SETBP1: variants seen among roughly 807,000 people sequenced by gnomAD.
The protein encoded by SETBP1 is SET binding protein 1.
In SETBP1, 9 loss-of-function variants were observed where a neutral mutation model predicts 101.0. The ratio of observed to expected loss-of-function variants is 0.09; its 90% CI spans 0.05 to 0.16. SETBP1 has a LOEUF of 0.16. Ranked by LOEUF, SETBP1 falls within the 10% of genes least tolerant of loss-of-function variation. The probability of loss-of-function intolerance (pLI) is 1.00; values close to 1 mark genes in which losing one functional copy is unlikely to be tolerated. For missense variants in SETBP1, 1,858 were observed against 2,033.8 expected, an observed-to-expected ratio of 0.91 and a Z score of 1.66; for synonymous variants, 818 against 788.5, an observed-to-expected ratio of 1.04 and a Z score of -0.63.
intron 3 of SETBP1, among the ~76,000 whole-genome samples, chr18:44,881,648 T>C (rs1237173719): frequency 6.6e-6 from 1 of 152,162 alleles, no homozygotes; most frequent in Non-Finnish European, 1.5e-5. Flanking sequence ...TGAATGTACA[T>C]TTGTAGAGAA....
At position 44,703,387 on chromosome 18, in the gene SETBP1, T is replaced by C. The variant is rs960621467; in HGVS notation, c.486+1555T>C. Among the ~76,000 whole-genome samples the C allele has an allele frequency of 3.7e-4, 39 of 106,564 alleles. 5 individuals carry two copies. In the East Asian group the frequency reaches 0.01, roughly 28 times the overall value. 69.9% of individuals were successfully genotyped at this position (106,564 alleles called of 152,430 possible). On this transcript the variant is annotated intron_variant, in intron 2 of 5. Coordinates refer to ENST00000649279, the MANE Select transcript of SETBP1 (RefSeq NM_015559.3). ...TTTTTTTTTTTTTTTTTTTTTTTTT[T>C]TTTTTTTAGCTTTGGGGCAGTTATT...
intron 3 of SETBP1, among the ~76,000 whole-genome samples, chr18:44,889,160 A>G (rs1390248095): frequency 6.6e-6 from 1 of 152,084 alleles, no homozygotes; most frequent in African/African-American, 2.4e-5. Flanking sequence ...GAGATAAATA[A>G]TTTTGCTAAT....
At chr18:44,792,031 C>A (rs1300553838) in intron 2 of SETBP1, among the ~76,000 whole-genome samples, 1 of 152,190 alleles carries the variant, frequency 6.6e-6, no homozygotes, top group East Asian at 1.9e-4. Context: ...TCATTTCTGT[C>A]TGCCTCTGCT....
intron 3 of SETBP1, among the ~76,000 whole-genome samples, chr18:44,949,018 C>T (rs2071274773): frequency 2.6e-5 from 4 of 152,060 alleles, no homozygotes; most frequent in Admixed American, 2.6e-4. Flanking sequence ...GTCTAGTAGA[C>T]TCAAGGTTGC....
intron 3 of SETBP1, among the ~76,000 whole-genome samples, chr18:44,921,498 T>C (rs927943898): frequency 5.3e-5 from 8 of 151,946 alleles, no homozygotes; most frequent in African/African-American, 1.9e-4. Flanking sequence ...AAGCATGGAG[T>C]TCTCCCAAAC....
intron 4 of SETBP1, among the ~76,000 whole-genome samples, chr18:44,983,354 A>G (rs1489117874): frequency 1.3e-5 from 2 of 152,148 alleles, no homozygotes; most frequent in Non-Finnish European, 2.9e-5. Context: ...GTGCTATTCT[A>G]AGTGTTTCGT....
At chr18:44,801,146 G>A (rs747228354) in intron 2 of SETBP1, among the ~76,000 whole-genome samples, 57 of 152,208 alleles carry the variant, frequency 3.7e-4, no homozygotes, top group South Asian at 1.9e-3. Flanking sequence ...TAGGAGGAGC[G>A]GGGAGGGATA....
chr18:45,035,036 T>G (rs181282396), intron 4 of SETBP1, among the ~76,000 whole-genome samples: 55 of 150,838 alleles, frequency 3.6e-4, no homozygotes, highest in African/African-American at 1.3e-3. Flanking sequence ...CATCATAGAA[T>G]ATCAGTCACC....
At chr18:44,990,328 T>A (rs1223093250) in intron 4 of SETBP1, among the ~76,000 whole-genome samples, 1 of 152,124 alleles carries the variant, frequency 6.6e-6, no homozygotes, top group African/African-American at 2.4e-5. Context: ...GGGCAGGAGC[T>A]CATGCCTGAA....
chr18:44,777,944 G>A (rs1432568827), intron 2 of SETBP1, among the ~76,000 whole-genome samples: 3 of 152,182 alleles, frequency 2.0e-5, no homozygotes, highest in African/African-American at 2.4e-5. Flanking sequence ...TTCTGAACCC[G>A]ACTGTTCTAT....
At chr18:44,995,532 TGTGTGTGTG>T (rs2072478433) in intron 4 of SETBP1, among the ~76,000 whole-genome samples, 1 of 72,852 alleles carries the variant, frequency 1.4e-5, no homozygotes, top group African/African-American at 4.5e-5. Context: ...CAGGCTTTTG[TGTGTGTGTG>T]TGTGTGTGTG....
chr18:44,849,563 G>C (rs1252896195), intron 2 of SETBP1, among the ~76,000 whole-genome samples: 1 of 152,170 alleles, frequency 6.6e-6, no homozygotes, highest in Non-Finnish European at 1.5e-5. Context: ...GGGTGTGTCA[G>C]CCCTGTTCAT....
intron 2 of SETBP1, among the ~76,000 whole-genome samples, chr18:44,804,303 C>T (rs371946226): frequency 1.3e-5 from 2 of 152,008 alleles, no homozygotes; most frequent in South Asian, 2.1e-4. Flanking sequence ...TTAGGCCAGG[C>T]GATTTTGACC....
chr18:44,800,216 G>T (rs1668498665), intron 2 of SETBP1, among the ~76,000 whole-genome samples: 2 of 152,090 alleles, frequency 1.3e-5, no homozygotes, highest in Admixed American at 1.3e-4. Context: ...TCACCAAGTT[G>T]TGGTGGCTAC....
At chr18:44,882,280 G>A (rs966632523) in intron 3 of SETBP1, among the ~76,000 whole-genome samples, 9 of 152,032 alleles carry the variant, frequency 5.9e-5, no homozygotes, top group Non-Finnish European at 1.2e-4. Flanking sequence ...AGTGAGCTGC[G>A]ATTCTCCATT....
At chr18:44,925,023 T>TTG (rs2070671763) in intron 3 of SETBP1, among the ~76,000 whole-genome samples, 1 of 147,648 alleles carries the variant, frequency 6.8e-6, no homozygotes, top group African/African-American at 2.5e-5. Flanking sequence ...TTTTTTTTTT[T>TTG]TTTTTTTTTT....
chr18:44,900,640 C>G (rs1449302986), intron 3 of SETBP1, among the ~76,000 whole-genome samples: 1 of 152,172 alleles, frequency 6.6e-6, no homozygotes, highest in Non-Finnish European at 1.5e-5. Context: ...AGTGTGCCCC[C>G]CAGACCAGCA....
rs1252147904 is a variant in SETBP1 at position 45,065,610 on chromosome 18, G to A, written c.*1912G>A. The stretch of plus-strand genomic sequence containing the variant: ...TTACTGCTGCGTTATGGCACCAAGA[G>A]TTGGTTGAAATTACCCACGTAGTCA... On this transcript the variant is annotated 3_prime_UTR_variant, in exon 6 of 6. Coordinates refer to ENST00000649279, the MANE Select transcript of SETBP1 (RefSeq NM_015559.3). 1 of 152,200 alleles carries A rather than the reference G, an allele frequency of 6.6e-6. No homozygotes were observed. Among genetic ancestry groups the A allele is most frequent in the Non-Finnish European group, 1.5e-5 (1 of 68,038 alleles). 9.4% of individuals were successfully genotyped at this position (152,200 alleles called of 1,614,324 possible). A position where few individuals can be genotyped will look rare whatever the true frequency, so the allele number is the denominator to read the frequency against.
At chr18:44,687,978 A>G (rs2068865340) in intron 1 of SETBP1, among the ~76,000 whole-genome samples, 1 of 152,152 alleles carries the variant, frequency 6.6e-6, no homozygotes. Flanking sequence ...ACAGTCTGCA[A>G]AACCAGAGCC....
Sources: gnomAD v4.1 joint callset for allele counts (sites outside exome capture counted in the v4.1 genomes callset) on GRCh38, gnomAD v4.1.1 for gene constraint, MANE v1.5 for transcripts, NCBI Gene and HGNC (gene_info 2026-07-23, HGNC 2026-07-21) for gene names.